RAP1GAP2: variants seen among roughly 807,000 people sequenced by gnomAD.
RAP1GAP2 encodes rap1 GTPase-activating protein 2.
RAP1GAP2 carries 27 observed loss-of-function variants against 95.0 expected under a neutral mutation model. The observed-to-expected ratio is 0.28, with a 90% CI of 0.21 to 0.39. The LOEUF (loss-of-function observed/expected upper bound fraction) is 0.39. Among genes scored for constraint, RAP1GAP2 ranks in the 10% least tolerant of loss-of-function variants. RAP1GAP2 has a pLI of 1.00. For missense variants in RAP1GAP2, 771 were observed against 970.0 expected, an observed-to-expected ratio of 0.79 and a Z score of 2.72; for synonymous variants, 373 against 380.9, an observed-to-expected ratio of 0.98 and a Z score of 0.24.
chr17:2,870,276 C>T lies in RAP1GAP2; in HGVS notation c.81-35008C>T, dbSNP rs945834833. 2.2e-4 allele frequency among the ~76,000 whole-genome samples: 34 copies of T among 152,016 alleles called. No homozygotes were observed. The highest frequency in any genetic ancestry group is 7.0e-4 in the African/African-American group (29 of 41,380). On this transcript the variant is annotated intron_variant, in intron 2 of 24. Transcript: ENST00000254695. The surrounding 1 kb of genome is among the most constrained non-coding windows in gnomAD (Gnocchi z 4.4). ...GGATTACAGGCGCCCACCACCACAC[C>T]TGGCTAATTTTTTTGTATTTTTAGT...
intron 2 of RAP1GAP2, among the ~76,000 whole-genome samples, chr17:2,837,068 A>G (rs1023917344): frequency 1.3e-5 from 2 of 152,032 alleles, no homozygotes; most frequent in African/African-American, 4.8e-5. Flanking sequence ...GTGGGCAACA[A>G]GGTGAGACCC....
intron 3 of RAP1GAP2, among the ~76,000 whole-genome samples, chr17:2,929,875 C>A (rs1219547723): frequency 6.6e-6 from 1 of 152,086 alleles, no homozygotes; most frequent in Admixed American, 6.5e-5. Context: ...CAGTGCACCC[C>A]GAGATCACCA....
At chr17:2,809,928 C>A (rs2069685543) in intron 2 of RAP1GAP2, among the ~76,000 whole-genome samples, 1 of 152,154 alleles carries the variant, frequency 6.6e-6, no homozygotes, top group Non-Finnish European at 1.5e-5. Flanking sequence ...TCCCCTTCCT[C>A]CCGCTGGCTC....
At chr17:3,002,338 C>T (rs1178529413) in intron 14 of RAP1GAP2, among the ~76,000 whole-genome samples, 1 of 152,190 alleles carries the variant, frequency 6.6e-6, no homozygotes, top group Non-Finnish European at 1.5e-5. Flanking sequence ...GGCAGGGCTT[C>T]CCGGAGGAGC....
intron 2 of RAP1GAP2, among the ~76,000 whole-genome samples, chr17:2,844,041 G>A (rs1167141135): frequency 6.6e-6 from 1 of 151,834 alleles, no homozygotes; most frequent in Non-Finnish European, 1.5e-5. Context: ...TATTTTTTGA[G>A]ACGGAGTCTT....
chr17:2,934,365 C>G (rs2043241984), intron 3 of RAP1GAP2, among the ~76,000 whole-genome samples: 2 of 152,320 alleles, frequency 1.3e-5, no homozygotes, highest in African/African-American at 4.8e-5. Context: ...CTCCTGACCT[C>G]AGGTGATCTG....
At chr17:2,847,134 G>A (rs1173641444) in intron 2 of RAP1GAP2, among the ~76,000 whole-genome samples, 3 of 152,092 alleles carry the variant, frequency 2.0e-5, no homozygotes, top group African/African-American at 4.8e-5. Context: ...TCAGCCTCCC[G>A]AGTAGCTGGG....
rs745887998 is a variant in RAP1GAP2, at chr17:3,005,383, G to A, written c.1215G>A (p.Ala405=). The A allele has an allele frequency of 1.6e-5, 26 of 1,613,776 alleles. No homozygotes were observed. Among genetic ancestry groups the A allele is most frequent in the Middle Eastern group, 1.6e-4 (1 of 6,084 alleles). Reference sequence around the variant, plus strand: ...GTTTCACTCAGGTCTCTGTCACTGCGCGGGAAGATGTGCCCACCTTTGGTC... The same window carrying A: ...GTTTCACTCAGGTCTCTGTCACTGCACGGGAAGATGTGCCCACCTTTGGTC... ...ETPSYKVSVT[A]REDVPTFGPP... Residue 405 remains alanine (A), a synonymous_variant, in exon 15 of 25, where the codon GCG becomes GCA. Coordinates refer to ENST00000254695, the MANE Select transcript of RAP1GAP2 (RefSeq NM_015085.5). This position sits in a 1 kb window ranked among gnomAD's most constrained non-coding sequence, Gnocchi z 5.2.
At chr17:2,999,209 C>G (rs2151588666) in intron 14 of RAP1GAP2, among the ~76,000 whole-genome samples, 1 of 152,298 alleles carries the variant, frequency 6.6e-6, no homozygotes, top group Non-Finnish European at 1.5e-5. Context: ...GGCTGGATCT[C>G]TGACCCTCCC....
At chr17:2,954,759 A>T (rs2044050514) in intron 3 of RAP1GAP2, among the ~76,000 whole-genome samples, 1 of 151,464 alleles carries the variant, frequency 6.6e-6, no homozygotes, top group Admixed American at 6.6e-5. Context: ...AAGCCCAGCT[A>T]ATTTTTGTAT....
At chr17:2,971,259 A>G (rs1477639646) in intron 8 of RAP1GAP2, among the ~76,000 whole-genome samples, 2 of 152,228 alleles carry the variant, frequency 1.3e-5, no homozygotes, top group Non-Finnish European at 2.9e-5. Context: ...CCACTAAACC[A>G]CTGAGAAGTA....
At chr17:2,775,985 C>G (rs112172939), upstream of RAP1GAP2, among the ~76,000 whole-genome samples, 1,662 of 152,290 alleles carry the variant, frequency 0.011, 24 homozygotes, top group African/African-American at 0.037. Context: ...TTGAGACCAG[C>G]CTGGCCAACA....
chr17:2,853,710 G>A (rs892875177), intron 2 of RAP1GAP2, among the ~76,000 whole-genome samples: 2 of 146,648 alleles, frequency 1.4e-5, no homozygotes, highest in African/African-American at 2.5e-5. Context: ...AGCGGGAGCC[G>A]GGAGCCGCCG....
At chr17:2,785,957 A>G (rs2068762145) in intron 1 of RAP1GAP2, among the ~76,000 whole-genome samples, 1 of 140,634 alleles carries the variant, frequency 7.1e-6, no homozygotes, top group South Asian at 2.2e-4. Flanking sequence ...GCTGGAGTGC[A>G]GTGGTCAGAT....
intron 3 of RAP1GAP2, among the ~76,000 whole-genome samples, chr17:2,930,792 A>C (rs563831420): frequency 4.6e-5 from 7 of 152,314 alleles, no homozygotes; most frequent in Non-Finnish European, 1.0e-4. Context: ...ACAAAATGCA[A>C]AGAAAAACAA....
At position 2,797,101 on chromosome 17, in the gene RAP1GAP2, T is replaced by C. The variant is rs1196358021; in HGVS notation, c.44+530T>C. ...TGTGTGATGCTCCTGTCTGTGCTGT[T>C]GTTGTGGCCTTGTGGCAGGGGAGTC... On this transcript the variant is annotated intron_variant, in intron 1 of 24. Coordinates refer to ENST00000254695, the MANE Select transcript of RAP1GAP2 (RefSeq NM_015085.5). This position sits in a 1 kb window ranked among gnomAD's most constrained non-coding sequence, Gnocchi z 5.6. Among the ~76,000 whole-genome samples the C allele has an allele frequency of 6.6e-6, 1 of 152,032 alleles. No individual in the cohort carries two copies. Among genetic ancestry groups the C allele is most frequent in the Non-Finnish European group, 1.5e-5 (1 of 68,000 alleles).
At chr17:3,017,961 A>G (rs1286186549) in intron 17 of RAP1GAP2, 100 bp from the exon 18 acceptor site, 1 of 1,131,558 alleles carries the variant, frequency 8.8e-7, no homozygotes, top group Non-Finnish European at 1.2e-6. Context: ...GTGTGCACGC[A>G]TACGTGTGCT....
rs935559403 is a variant in RAP1GAP2 at position 2,866,095 on chromosome 17, C to T, written c.81-39189C>T. On this transcript the variant is annotated intron_variant, in intron 2 of 24. Transcript: ENST00000254695. This position sits in a 1 kb window ranked among gnomAD's most constrained non-coding sequence, Gnocchi z 4.0. ...CCTGGAGGTCAGAAGAAAGGGGGAC[C>T]GCCCAAGGAAGGCTGCCTGGAGTTG... is the stretch of plus-strand genomic sequence containing the variant. Among the ~76,000 whole-genome samples the T allele has an allele frequency of 6.6e-6, 1 of 152,212 alleles. No homozygotes were observed. The highest frequency in any genetic ancestry group is 6.5e-5 in the Admixed American group (1 of 15,276).
At chr17:2,936,985 G>A (rs895120343) in intron 3 of RAP1GAP2, among the ~76,000 whole-genome samples, 5 of 152,188 alleles carry the variant, frequency 3.3e-5, no homozygotes, top group African/African-American at 1.2e-4. Context: ...CCAGGTGCTG[G>A]GATTACAGAT....
Sources: allele counts gnomAD v4.1 joint callset (sites outside exome capture counted in the v4.1 genomes callset), GRCh38; gene constraint gnomAD v4.1.1; non-coding constraint Gnocchi (gnomAD v3.1); transcripts MANE v1.5; gene names NCBI Gene and HGNC (gene_info 2026-07-23, HGNC 2026-07-21).